Variants in DPP10 observed in about 807,000 individuals in gnomAD.
DPP10 encodes the protein dipeptidyl peptidase like 10, also known as inactive dipeptidyl peptidase 10.
Under a neutral mutation model 120.9 loss-of-function variants are expected in DPP10, and 33 were observed. The ratio of observed to expected loss-of-function variants is 0.27; its 90% CI spans 0.21 to 0.37. The LOEUF is 0.37. DPP10 is among the 10% of genes least tolerant of loss of function. The probability of loss-of-function intolerance (pLI) is 1.00; values close to 1 mark genes in which losing one functional copy is unlikely to be tolerated. For synonymous variants in DPP10, 337 were observed against 326.1 expected, an observed-to-expected ratio of 1.03 and a Z score of -0.36; for missense variants, 816 against 942.8, an observed-to-expected ratio of 0.87 and a Z score of 1.76.
intron 1 of DPP10, among the ~76,000 whole-genome samples, chr2:114,547,173 A>G (rs1422278729): frequency 2.0e-5 from 3 of 152,228 alleles, no homozygotes; most frequent in African/African-American, 7.2e-5. Context: ...TCATAATTTT[A>G]CTTTCGAATT....
intron 1 of DPP10, among the ~76,000 whole-genome samples, chr2:114,809,060 G>C (rs1260523104): frequency 6.6e-6 from 1 of 152,022 alleles, no homozygotes; most frequent in Non-Finnish European, 1.5e-5. Flanking sequence ...AACTTACCTA[G>C]CTGTGTGATA....
chr2:115,564,111 G>C (rs2080850374), intron 5 of DPP10, among the ~76,000 whole-genome samples: 1 of 151,704 alleles, frequency 6.6e-6, no homozygotes, highest in Non-Finnish European at 1.5e-5. Context: ...AATTGTATTT[G>C]TTAAAATATG....
At chr2:114,521,317 G>A (rs969563607) in intron 1 of DPP10, among the ~76,000 whole-genome samples, 4 of 149,816 alleles carry the variant, frequency 2.7e-5, no homozygotes, top group Admixed American at 2.0e-4. Context: ...CAGGCAGGCC[G>A]ATTTTAAGAA....
intron 1 of DPP10, among the ~76,000 whole-genome samples, chr2:114,694,243 C>T (rs1383693597): frequency 6.6e-6 from 1 of 151,854 alleles, no homozygotes. Context: ...TATAAAACAG[C>T]ATGGAGCCAA....
chr2:114,793,879 T>C (rs924528428), intron 1 of DPP10, among the ~76,000 whole-genome samples: 1 of 152,174 alleles, frequency 6.6e-6, no homozygotes, highest in African/African-American at 2.4e-5. Context: ...TACTCTCTAG[T>C]GCTTCAAGTG....
At chr2:114,688,500 G>C (rs559239339) in intron 1 of DPP10, among the ~76,000 whole-genome samples, 1 of 152,014 alleles carries the variant, frequency 6.6e-6, no homozygotes, top group African/African-American at 2.4e-5. Context: ...CCTGTGTTTG[G>C]CTAGAAAAGC....
At chr2:115,491,658 CG>C (rs2076131873) in intron 3 of DPP10, among the ~76,000 whole-genome samples, 3 of 151,660 alleles carry the variant, frequency 2.0e-5, no homozygotes. Flanking sequence ...TGTCTGTGGT[CG>C]GGGAGGAGTT....
intron 5 of DPP10, among the ~76,000 whole-genome samples, chr2:115,635,425 C>T (rs943373568): frequency 6.6e-6 from 1 of 152,186 alleles, no homozygotes; most frequent in African/African-American, 2.4e-5. Context: ...CACCGCCTCC[C>T]TCGGCTGAAG....
In DPP10 at chr2:115,542,797, A is replaced by C. The variant is rs537894424; in HGVS notation, c.441+16825A>C. ...ACTGTATAACTATGGTGATTGTATT[A>C]GGTGACTCAAATTTCCCATGACGTT... On this transcript the variant is annotated intron_variant, in intron 5 of 25. Transcript: ENST00000410059. Among the ~76,000 whole-genome samples the C allele has an allele frequency of 3.9e-5, 6 of 152,048 alleles. No individual in the cohort carries two copies. In the East Asian group the frequency reaches 1.2e-3, roughly 29 times the overall value.
chr2:115,613,676 T>A (rs1025216535), intron 5 of DPP10, among the ~76,000 whole-genome samples: 1 of 152,202 alleles, frequency 6.6e-6, no homozygotes, highest in African/African-American at 2.4e-5. Flanking sequence ...TAAGATATAT[T>A]TATTCTCTGA....
intron 1 of DPP10, among the ~76,000 whole-genome samples, chr2:115,274,258 T>C (rs2059818991): frequency 6.6e-6 from 1 of 152,206 alleles, no homozygotes; most frequent in Non-Finnish European, 1.5e-5. Flanking sequence ...CATTTTATCA[T>C]TAAAAGTGAA....
At position 114,532,744 on chromosome 2, in the gene DPP10, A is replaced by G. The variant is rs574777618; in HGVS notation, c.60+89906A>G. Among the ~76,000 whole-genome samples, 3 of 152,306 alleles carry G rather than the reference A, an allele frequency of 2.0e-5. No homozygotes were observed. The East Asian group carries it at 5.8e-4, about 29-fold the overall frequency. The stretch of plus-strand genomic sequence containing the variant: ...ACTATTACACAATGCCTCCCAAGAG[A>G]AGAGAAATAGAAGTCTGAGAAATCT... On this transcript the variant is annotated intron_variant, in intron 1 of 25. Transcript: ENST00000410059.
intron 1 of DPP10, among the ~76,000 whole-genome samples, chr2:114,661,962 C>A (rs1245709130): frequency 6.6e-6 from 1 of 151,600 alleles, no homozygotes; most frequent in African/African-American, 2.4e-5. Flanking sequence ...TCCGGGATCG[C>A]GCCGTTGCAC....
chr2:115,697,476 G>C (rs2091654761), intron 7 of DPP10, among the ~76,000 whole-genome samples: 1 of 151,526 alleles, frequency 6.6e-6, no homozygotes, highest in African/African-American at 2.4e-5. Context: ...AGTTTTGAGA[G>C]ACAAATAAAT....
intron 1 of DPP10, among the ~76,000 whole-genome samples, chr2:115,303,441 T>A (rs1214267196): frequency 6.6e-6 from 1 of 151,958 alleles, no homozygotes; most frequent in East Asian, 1.9e-4. Flanking sequence ...AATACCTACA[T>A]GTGTATTTTT....
intron 2 of DPP10, among the ~76,000 whole-genome samples, chr2:115,339,317 C>T (rs1574484084): frequency 6.6e-6 from 1 of 151,134 alleles, no homozygotes; most frequent in Non-Finnish European, 1.5e-5. Flanking sequence ...CAAATGCTGC[C>T]GAAGATGCAG....
At chr2:115,801,829 G>T (rs558533176) in intron 19 of DPP10, among the ~76,000 whole-genome samples, 2 of 152,304 alleles carry the variant, frequency 1.3e-5, no homozygotes, top group East Asian at 1.9e-4. Flanking sequence ...GCTGGATTCG[G>T]TTTGCCAGTA....
At chr2:115,427,117 C>T (rs1356444712) in intron 3 of DPP10, among the ~76,000 whole-genome samples, 1 of 152,180 alleles carries the variant, frequency 6.6e-6, no homozygotes, top group Non-Finnish European at 1.5e-5. Flanking sequence ...ACAGGGCACA[C>T]AGCTGCAAGG....
chr2:114,963,001 G>T (rs1381935416), intron 1 of DPP10, among the ~76,000 whole-genome samples: 1 of 152,112 alleles, frequency 6.6e-6, no homozygotes, highest in South Asian at 2.1e-4. Context: ...TTACAAATTT[G>T]TACAACAGAA....
Sources: gnomAD v4.1 joint callset for allele counts (sites outside exome capture counted in the v4.1 genomes callset) on GRCh38, gnomAD v4.1.1 for gene constraint, MANE v1.5 for transcripts, NCBI Gene and HGNC (gene_info 2026-07-23, HGNC 2026-07-21) for gene names.